KIF21B: variants seen among roughly 807,000 people sequenced by gnomAD.
KIF21B encodes kinesin family member 21B.
Under a neutral mutation model 192.9 loss-of-function variants are expected in KIF21B, and 85 were observed. The ratio of observed to expected loss-of-function variants is 0.44; its 90% confidence interval spans 0.37 to 0.53. The LOEUF (loss-of-function observed/expected upper bound fraction) is 0.53. Among genes scored for constraint, KIF21B ranks in the 20% least tolerant of loss-of-function variants. KIF21B has a pLI of 0.00. For synonymous variants in KIF21B, 832 were observed against 884.6 expected, an observed-to-expected ratio of 0.94 and a Z score of 1.05; for missense variants, 1,716 against 2,194.8, an observed-to-expected ratio of 0.78 and a Z score of 4.36.
Position 201,000,651 on chromosome 1 carries a change from C to T in KIF21B, c.1467-43G>A. 1 of 1,613,152 alleles carries T rather than the reference C, an allele frequency of 6.2e-7. No individual in the cohort carries two copies. Among genetic ancestry groups the T allele is most frequent in the Non-Finnish European group, 8.5e-7 (1 of 1,179,420 alleles). ...GTGGACGGGGCCGAGTGAGCTGCCA[C>T]AGCCCTTGGCGTCACCTGGCCGAGG... On this transcript the variant is annotated intron_variant, in intron 10 of 34. Coordinates refer to ENST00000461742, the MANE Select transcript of KIF21B (RefSeq NM_001252102.2). The surrounding 1 kb of genome is among the most constrained non-coding windows in gnomAD (Gnocchi z 6.0).
rs1656759732 is a variant in KIF21B, at chr1:200,992,360, C to T, written c.2307G>A (p.Glu769=). ...KVALMKQMRE[E]QQRRRLVETK... ...TCTCCACTAGCCGCCGCCGCTGTTG[C>T]TCCTCACGCATCTGCTTCATCAGGG... Residue 769 remains glutamate (E), a synonymous_variant, in exon 16 of 35, where the codon GAG becomes GAA. Coordinates refer to ENST00000461742, the MANE Select transcript of KIF21B (RefSeq NM_001252102.2). 5 of 1,613,104 alleles carry T rather than the reference C, an allele frequency of 3.1e-6. No homozygotes were observed. Among genetic ancestry groups the T allele is most frequent in the East Asian group, 4.5e-5 (2 of 44,904 alleles).
At chr1:201,007,799 G>A (rs1451131129) in intron 3 of KIF21B, among the ~76,000 whole-genome samples, 1 of 149,994 alleles carries the variant, frequency 6.7e-6, no homozygotes, top group Non-Finnish European at 1.5e-5. Context: ...CAGACACATA[G>A]ACACACACAT....
intron 8 of KIF21B, 196 bp downstream of exon 8, chr1:201,003,390 C>G (rs921845781): frequency 9.6e-6 from 6 of 622,632 alleles, no homozygotes; most frequent in Non-Finnish European, 1.7e-5. Flanking sequence ...ATGCTTGATT[C>G]ACATGGGTGA....
intron 1 of KIF21B, among the ~76,000 whole-genome samples, chr1:201,021,441 C>T (rs1658820849): frequency 6.6e-6 from 1 of 152,212 alleles, no homozygotes; most frequent in African/African-American, 2.4e-5. Context: ...AACTGAAAGG[C>T]AAGGCGTGGG....
intron 1 of KIF21B, among the ~76,000 whole-genome samples, chr1:201,022,161 C>T (rs1397155697): frequency 6.6e-6 from 1 of 152,232 alleles, no homozygotes; most frequent in Non-Finnish European, 1.5e-5. Context: ...GTGGCCGTGG[C>T]AAGGGGCATC....
rs577194090 is a variant in KIF21B, at chr1:201,000,072, G to A, written c.1686-108C>T. 5.1e-5 allele frequency: 49 copies of A among 966,822 alleles called. No homozygotes were observed. In the East Asian group the frequency reaches 1.2e-3, roughly 24 times the overall value. 59.9% of individuals were successfully genotyped at this position (966,822 alleles called of 1,614,324 possible). A position where few individuals can be genotyped will look rare whatever the true frequency, so the allele number is the denominator to read the frequency against. On this transcript the variant is annotated intron_variant, in intron 11 of 34. Transcript: ENST00000461742. This position sits in a 1 kb window ranked among gnomAD's most constrained non-coding sequence, Gnocchi z 6.0. ...AAGGAAGGCTCTCACCAGAGGCCGG[G>A]GAGAGCACTGGCTCCTACTCTGCAG...
intron 8 of KIF21B, chr1:201,002,940 G>A (rs1657581739): frequency 6.4e-6 from 1 of 155,796 alleles, no homozygotes; most frequent in Admixed American, 6.2e-5. Flanking sequence ...TTGGGCCATG[G>A]GCTACCAATT....
In KIF21B at chr1:201,017,128, G is replaced by C. The variant is rs1384661572; in HGVS notation, c.41+6215C>G. ...CAGGCAGGCTAACAGGGGAGGGGGT[G>C]CCTGCCATGAGGCACCTTGAGAGTC... On this transcript the variant is annotated intron_variant, in intron 1 of 34. Transcript: ENST00000461742. This position sits in a 1 kb window ranked among gnomAD's most constrained non-coding sequence, Gnocchi z 4.1. 6.6e-6 allele frequency among the ~76,000 whole-genome samples: 1 copy of C among 152,136 alleles called. No individual in the cohort carries two copies. The highest frequency in any genetic ancestry group is 1.5e-5 in the Non-Finnish European group (1 of 68,008).
In KIF21B at chr1:200,979,671, C is replaced by T. The variant is rs761419541; in HGVS notation, c.4024G>A (p.Ala1342Thr). ...MWNLVTGQEI[A>T]ALKGHPNNVV... The stretch of plus-strand genomic sequence containing the variant: ...TTGTTGGGGTGGCCCTTTAGAGCTG[C>T]GATCTCCTGTCCCGTAACCAAGTTC... The change falls in exon 30 of 35, where the codon GCA (alanine) becomes ACA (threonine). Residue 1342 changes from alanine to threonine, a missense_variant. By Grantham distance (58) the Ala-to-Thr change is moderately conservative. Coordinates refer to ENST00000461742, the MANE Select transcript of KIF21B (RefSeq NM_001252102.2). 3.3e-5 allele frequency: 52 copies of T among 1,577,486 alleles called. 1 individual carries two copies. Among genetic ancestry groups the T allele is most frequent in the South Asian group, 9.2e-5 (8 of 86,506 alleles).
chr1:201,007,798 A>G (rs1558024284), intron 3 of KIF21B, among the ~76,000 whole-genome samples: 1 of 151,998 alleles, frequency 6.6e-6, no homozygotes, highest in Non-Finnish European at 1.5e-5. Flanking sequence ...ACAGACACAT[A>G]GACACACACA....
intron 30 of KIF21B, 141 bp downstream of exon 30, chr1:200,979,394 C>A (rs1029951644): frequency 1.8e-6 from 1 of 562,684 alleles, no homozygotes; most frequent in South Asian, 3.5e-5. Flanking sequence ...CAGGGTCAAG[C>A]CAAGTTCATA....
intron 34 of KIF21B, among the ~76,000 whole-genome samples, chr1:200,974,393 C>T (rs1557993811): frequency 6.6e-6 from 1 of 151,940 alleles, no homozygotes; most frequent in African/African-American, 2.4e-5. Flanking sequence ...GCTGGCAGGG[C>T]TGCTCTGTGC....
Position 200,975,423 on chromosome 1 carries a change from G to C in KIF21B, c.4614+76C>G. On this transcript the variant is annotated intron_variant, in intron 33 of 34. Coordinates refer to ENST00000461742, the MANE Select transcript of KIF21B (RefSeq NM_001252102.2). This position sits in a 1 kb window ranked among gnomAD's most constrained non-coding sequence, Gnocchi z 4.3. ...CTGGGGCCCGCGAGTCCAGGTCCCA[G>C]GGTCTCCAAGGCCCTGCGTGGGCTA... 2.9e-6 allele frequency: 4 copies of C among 1,394,676 alleles called. No individual in the cohort carries two copies. Among genetic ancestry groups the C allele is most frequent in the Non-Finnish European group, 3.0e-6 (3 of 1,010,732 alleles). 86.4% of individuals were successfully genotyped at this position (1,394,676 alleles called of 1,614,324 possible).
rs771777985 is a variant in KIF21B, at chr1:201,002,330, C to T, written c.1233G>A (p.Glu411=). The change falls in exon 9 of 35, where the codon GAG becomes GAA. Residue 411 remains glutamate, a synonymous_variant. Transcript: ENST00000461742. ...EYKAGKRVIG[E]DGAEGYSDLF... ...GATCACTATAGCCCTCAGCGCCATC[C>T]TCTCCTATCACTCGCTTGCCCTGGG... 1.9e-5 allele frequency: 31 copies of T among 1,613,914 alleles called. No homozygotes were observed. In the East Asian group the frequency reaches 6.9e-4, roughly 36 times the overall value.
At chr1:201,003,432 C>T (rs987116115) in intron 8 of KIF21B, 154 bp downstream of exon 8, 2 of 732,230 alleles carry the variant, frequency 2.7e-6, no homozygotes, top group Non-Finnish European at 4.7e-6. Flanking sequence ...GCCTGGCACA[C>T]AACTGATGCT....
In KIF21B at chr1:201,000,871, G is replaced by C; in HGVS notation, c.1403-91C>G. On this transcript the variant is annotated intron_variant, in intron 9 of 34. Transcript: ENST00000461742. The surrounding 1 kb of genome is among the most constrained non-coding windows in gnomAD (Gnocchi z 6.0). ...ACCTATAATTCCAGCACTTTGGGAG[G>C]CCAAGGCGGGCGGATCACCTGAGGC... is the stretch of plus-strand genomic sequence containing the variant. 3.0e-6 allele frequency: 4 copies of C among 1,329,560 alleles called. No individual in the cohort carries two copies. The highest frequency in any genetic ancestry group is 4.3e-6 in the Non-Finnish European group (4 of 928,590). 82.4% of individuals were successfully genotyped at this position (1,329,560 alleles called of 1,614,324 possible).
intron 3 of KIF21B, among the ~76,000 whole-genome samples, chr1:201,007,272 G>A (rs1260700078): frequency 0.01 from 184 of 17,828 alleles, no homozygotes; most frequent in Admixed American, 0.016. Context: ...ACACACACAC[G>A]CAGACACCCA....
At position 200,990,432 on chromosome 1, in the gene KIF21B, C is replaced by G. The variant is rs111699650; in HGVS notation, c.2836-100G>C. ...TCCACCACAGGCTGGCCTGTGAGGT[C>G]CCCCCAGCACCTCTGGATTCCAGAG... is the stretch of plus-strand genomic sequence containing the variant. On this transcript the variant is annotated intron_variant, in intron 19 of 34. Transcript: ENST00000461742. This position sits in a 1 kb window ranked among gnomAD's most constrained non-coding sequence, Gnocchi z 5.4. 7 of 1,443,062 alleles carry G rather than the reference C, an allele frequency of 4.9e-6. No homozygotes were observed. Among genetic ancestry groups the G allele is most frequent in the African/African-American group, 2.8e-5 (2 of 71,162 alleles). The allele number at this position is 1,443,062 out of a possible 1,614,324, so 89.4% of individuals were successfully genotyped here. A position where few individuals can be genotyped will look rare whatever the true frequency, so the allele number is the denominator to read the frequency against.
chr1:201,005,817 G>A (rs2102452618), intron 3 of KIF21B, 123 bp from the exon 4 acceptor site: 2 of 1,048,728 alleles, frequency 1.9e-6, no homozygotes, highest in African/African-American at 1.6e-5. Flanking sequence ...TCCCCTCTGG[G>A]TTTTGAATCC....
Sources: gnomAD v4.1 joint callset for allele counts (sites outside exome capture counted in the v4.1 genomes callset) on GRCh38, gnomAD v4.1.1 for gene constraint, Gnocchi (gnomAD v3.1) non-coding constraint, MANE v1.5 for transcripts, NCBI Gene and HGNC (gene_info 2026-07-23, HGNC 2026-07-21) for gene names.